Variants in DOCK3 observed in about 807,000 individuals in gnomAD.
DOCK3 encodes the protein dedicator of cytokinesis 3.
In DOCK3, 60 loss-of-function variants were observed where a neutral mutation model predicts 265.6. That is an observed-to-expected ratio of 0.23 (90% CI 0.18 to 0.28). DOCK3 has a LOEUF of 0.28. DOCK3 is among the 10% of genes least tolerant of loss of function. DOCK3 has a pLI of 1.00. For missense variants in DOCK3, 1,981 were observed against 2,594.3 expected, an observed-to-expected ratio of 0.76 and a Z score of 5.14; for synonymous variants, 881 against 938.0, an observed-to-expected ratio of 0.94 and a Z score of 1.11.
chr3:50,810,058 C>G (rs2675789), intron 2 of DOCK3, among the ~76,000 whole-genome samples: 14,354 of 152,054 alleles, frequency 0.094, 837 homozygotes, highest in Non-Finnish European at 0.12. Flanking sequence ...TTGCTTGAGC[C>G]CAGGAGTTCC....
At chr3:50,928,820 G>A (rs1242605855) in intron 4 of DOCK3, among the ~76,000 whole-genome samples, 2 of 152,138 alleles carry the variant, frequency 1.3e-5, no homozygotes, top group African/African-American at 4.8e-5. Flanking sequence ...CTTTACAGTG[G>A]TACGAAAGTC....
intron 40 of DOCK3, 78 bp downstream of exon 40, chr3:51,350,470 C>A: frequency 1.3e-6 from 2 of 1,493,710 alleles, no homozygotes; most frequent in Admixed American, 2.0e-5. Flanking sequence ...TTTTCTTCCC[C>A]TTTTTGCCTT....
chr3:50,674,932 C>A lies in DOCK3; in HGVS notation c.-332C>A, dbSNP rs1174532749. The A allele has an allele frequency of 6.7e-6, 1 of 148,672 alleles. No homozygotes were observed. The highest frequency in any genetic ancestry group is 2.4e-5 in the African/African-American group (1 of 41,030). 9.2% of individuals were successfully genotyped at this position (148,672 alleles called of 1,614,324 possible). ...CGCATGCGCGGGCGTCCTGCGAGCC[C>A]GCTGGGGCGAGCCGAGCCGCGGCGG... is the stretch of plus-strand genomic sequence containing the variant. On this transcript the variant is annotated 5_prime_UTR_variant, in exon 1 of 53. Coordinates refer to ENST00000266037, the MANE Select transcript of DOCK3 (RefSeq NM_004947.5). The surrounding 1 kb of genome is among the most constrained non-coding windows in gnomAD (Gnocchi z 4.3).
rs536208636 is a variant in DOCK3 at position 50,745,799 on chromosome 3, C to G, written c.38-32876C>G. Among the ~76,000 whole-genome samples the G allele has an allele frequency of 3.3e-5, 5 of 152,330 alleles. No individual in the cohort carries two copies. The South Asian group carries it at 1.0e-3, about 32-fold the overall frequency. On this transcript the variant is annotated intron_variant, in intron 1 of 52. Transcript: ENST00000266037. Reference sequence around the variant, plus strand: ...TTATTAACTTCTTCCCTAATCAGATCGTTCATCCGTGGTTGTTATAAGTGT... The same window carrying G: ...TTATTAACTTCTTCCCTAATCAGATGGTTCATCCGTGGTTGTTATAAGTGT...
At chr3:50,921,358 C>T (rs1487666528) in intron 4 of DOCK3, among the ~76,000 whole-genome samples, 1 of 152,156 alleles carries the variant, frequency 6.6e-6, no homozygotes, top group Non-Finnish European at 1.5e-5. Flanking sequence ...GAAGCTTGTG[C>T]ATGTGTCACG....
Position 50,835,573 on chromosome 3 carries a change from A to G in DOCK3, c.122-6102A>G, listed in dbSNP as rs567395300. 4.6e-5 allele frequency among the ~76,000 whole-genome samples: 7 copies of G among 152,360 alleles called. No individual in the cohort carries two copies. In the South Asian group the frequency reaches 1.2e-3, roughly 27 times the overall value. On this transcript the variant is annotated intron_variant, in intron 2 of 52. Coordinates refer to ENST00000266037, the MANE Select transcript of DOCK3 (RefSeq NM_004947.5). ...TGTATTAAAGCCTCATATCCTACAT[A>G]GAACACATATAAATACACAGACAGA...
At chr3:50,976,619 G>A (rs963552137) in intron 5 of DOCK3, among the ~76,000 whole-genome samples, 16 of 151,464 alleles carry the variant, frequency 1.1e-4, no homozygotes, top group Non-Finnish European at 4.4e-5. Context: ...TGTATATTCT[G>A]TTGATTTGGG....
intron 12 of DOCK3, among the ~76,000 whole-genome samples, chr3:51,208,419 A>G (rs2089334809): frequency 1.3e-5 from 2 of 152,194 alleles, no homozygotes; most frequent in South Asian, 4.1e-4. Flanking sequence ...TTGAGAGGAG[A>G]TGTTTTTCCT....
intron 27 of DOCK3, among the ~76,000 whole-genome samples, chr3:51,281,902 G>T (rs746021705): frequency 9.0e-6 from 1 of 110,842 alleles, no homozygotes; most frequent in Non-Finnish European, 2.0e-5. Flanking sequence ...GTTCGATGTC[G>T]CAAAAGATCT....
At chr3:50,959,423 T>C (rs2076821281) in intron 5 of DOCK3, among the ~76,000 whole-genome samples, 1 of 151,880 alleles carries the variant, frequency 6.6e-6, no homozygotes, top group Non-Finnish European at 1.5e-5. Context: ...CTTCATGTTA[T>C]ACATTAGATC....
At chr3:51,047,269 A>G (rs372049223) in intron 5 of DOCK3, among the ~76,000 whole-genome samples, 242 of 124,514 alleles carry the variant, frequency 1.9e-3, no homozygotes, top group Non-Finnish European at 2.5e-3. Flanking sequence ...AGGTTGGGGG[A>G]GGGGGAGGGA....
At chr3:51,057,865 A>G (rs1176191083) in intron 5 of DOCK3, among the ~76,000 whole-genome samples, 2 of 152,174 alleles carry the variant, frequency 1.3e-5, no homozygotes, top group African/African-American at 4.8e-5. Flanking sequence ...TTGGTGTAGG[A>G]TAAGTAATTT....
At chr3:51,195,104 C>T (rs2088201055) in intron 12 of DOCK3, among the ~76,000 whole-genome samples, 1 of 152,152 alleles carries the variant, frequency 6.6e-6, no homozygotes, top group Admixed American at 6.5e-5. Context: ...GGATTACAGG[C>T]ATGAGCCACT....
intron 12 of DOCK3, among the ~76,000 whole-genome samples, chr3:51,166,619 T>C (rs1024175518): frequency 2.6e-5 from 4 of 152,238 alleles, no homozygotes; most frequent in Admixed American, 2.6e-4. Context: ...ACTCTTGTCA[T>C]CACTTGTTAT....
intron 5 of DOCK3, among the ~76,000 whole-genome samples, chr3:50,940,980 A>G (rs1010853674): frequency 1.3e-5 from 2 of 152,144 alleles, no homozygotes; most frequent in African/African-American, 4.8e-5. Flanking sequence ...AAACTTTCGG[A>G]AGAAAATTTT....
At chr3:50,680,353 AG>A (rs1235360644) in intron 1 of DOCK3, among the ~76,000 whole-genome samples, 2 of 150,926 alleles carry the variant, frequency 1.3e-5, no homozygotes. Flanking sequence ...CTGGGATTAC[AG>A]GTGTGCGCCG....
chr3:50,889,455 A>G (rs1228547664), intron 3 of DOCK3, among the ~76,000 whole-genome samples: 1 of 151,268 alleles, frequency 6.6e-6, no homozygotes, highest in Non-Finnish European at 1.5e-5. Flanking sequence ...TGGAAAACTG[A>G]TGTGGTTTTT....
chr3:50,851,196 G>C (rs1041019882), intron 3 of DOCK3, among the ~76,000 whole-genome samples: 1 of 152,216 alleles, frequency 6.6e-6, no homozygotes, highest in Non-Finnish European at 1.5e-5. Context: ...CCAGGAGATT[G>C]AGTACTCTAA....
intron 5 of DOCK3, among the ~76,000 whole-genome samples, chr3:51,031,753 T>C (rs1361935087): frequency 6.6e-6 from 1 of 152,160 alleles, no homozygotes; most frequent in African/African-American, 2.4e-5. Flanking sequence ...AAATACCTCC[T>C]TTTAGGAGGT....
Sources: gnomAD v4.1 joint callset for allele counts (sites outside exome capture counted in the v4.1 genomes callset) on GRCh38, gnomAD v4.1.1 for gene constraint, Gnocchi (gnomAD v3.1) non-coding constraint, MANE v1.5 for transcripts, NCBI Gene and HGNC (gene_info 2026-07-23, HGNC 2026-07-21) for gene names.